Variants in SPON1 observed in about 807,000 individuals in gnomAD.
SPON1 encodes the protein spondin-1.
In SPON1, 52 loss-of-function variants were observed where a neutral mutation model predicts 111.7. That is an observed-to-expected ratio of 0.47 (90% CI 0.37 to 0.59). The LOEUF (loss-of-function observed/expected upper bound fraction) is 0.59. Among genes scored for constraint, SPON1 ranks in the 20% least tolerant of loss-of-function variants. SPON1 has a pLI of 0.00. For missense variants in SPON1, 957 were observed against 1,068.5 expected (o/e 0.90, Z 1.46); for synonymous variants, 410 against 395.8 (o/e 1.04, Z -0.43).
chr11:14,187,617 G>T (rs1430973817), intron 6 of SPON1, among the ~76,000 whole-genome samples: 2 of 152,004 alleles, frequency 1.3e-5, no homozygotes, highest in Non-Finnish European at 2.9e-5. Context: ...TTTTCTTTTT[G>T]TTGTTGTTGT....
At chr11:14,242,520 C>G (rs782193858) in intron 6 of SPON1, among the ~76,000 whole-genome samples, 3 of 152,206 alleles carry the variant, frequency 2.0e-5, no homozygotes, top group Non-Finnish European at 2.9e-5. Context: ...CAGAGCTGAA[C>G]TTGGACCTGT....
intron 1 of SPON1, among the ~76,000 whole-genome samples, chr11:13,968,847 G>C (rs1415594478): frequency 2.6e-5 from 4 of 152,182 alleles, no homozygotes; most frequent in African/African-American, 9.7e-5. Context: ...GTCATACCTA[G>C]CTGCAAGGAA....
At chr11:13,999,146 G>T (rs189109105) in intron 2 of SPON1, among the ~76,000 whole-genome samples, 6 of 152,256 alleles carry the variant, frequency 3.9e-5, no homozygotes, top group African/African-American at 1.4e-4. Context: ...GTATCCTATT[G>T]TAGGATATTT....
rs146436031 is a variant in SPON1, at chr11:14,226,942, C to T, written c.826-16390C>T. On this transcript the variant is annotated intron_variant, in intron 6 of 15. Coordinates refer to ENST00000576479, the MANE Select transcript of SPON1 (RefSeq NM_006108.4). Reference sequence around the variant, plus strand: ...TGCTTCCATTATCACAGTACCTTCCCCTCTCCTTTAGTCAAATCTCCCTGT... The same window carrying T: ...TGCTTCCATTATCACAGTACCTTCCTCTCTCCTTTAGTCAAATCTCCCTGT... 6.8e-4 allele frequency among the ~76,000 whole-genome samples: 103 copies of T among 152,272 alleles called. 1 individual carries two copies. The highest frequency in any genetic ancestry group is 2.4e-3 in the African/African-American group (99 of 41,558).
At chr11:14,046,524 T>G (rs1175091763) in intron 3 of SPON1, among the ~76,000 whole-genome samples, 5 of 152,244 alleles carry the variant, frequency 3.3e-5, no homozygotes, top group African/African-American at 1.2e-4. Context: ...GCTGAGATGC[T>G]ACTTCATTAA....
At chr11:14,094,347 G>C (rs1849082705) in intron 5 of SPON1, among the ~76,000 whole-genome samples, 1 of 151,690 alleles carries the variant, frequency 6.6e-6, no homozygotes, top group Non-Finnish European at 1.5e-5. Flanking sequence ...TTTTTCTTTT[G>C]GCCCTTGATA....
At chr11:14,068,907 A>G (rs1299018335) in intron 3 of SPON1, among the ~76,000 whole-genome samples, 1 of 152,086 alleles carries the variant, frequency 6.6e-6, no homozygotes. Flanking sequence ...ACCTTATTGC[A>G]CCATTTGGTA....
intron 2 of SPON1, among the ~76,000 whole-genome samples, chr11:14,020,755 G>A (rs1848475824): frequency 6.6e-6 from 1 of 152,158 alleles, no homozygotes; most frequent in Admixed American, 6.5e-5. Flanking sequence ...CAGTAGAAAA[G>A]AACTGAAGTT....
At chr11:14,011,524 CT>C (rs1188178268) in intron 2 of SPON1, among the ~76,000 whole-genome samples, 3 of 152,080 alleles carry the variant, frequency 2.0e-5, no homozygotes, top group Admixed American at 6.6e-5. Context: ...TGGATTCCTA[CT>C]GCAGCCTCCC....
intron 6 of SPON1, among the ~76,000 whole-genome samples, chr11:14,148,835 C>G (rs782018378): frequency 6.6e-6 from 1 of 152,138 alleles, no homozygotes; most frequent in Non-Finnish European, 1.5e-5. Context: ...TAGAGCTGGA[C>G]TTTTCAATGA....
intron 2 of SPON1, among the ~76,000 whole-genome samples, chr11:13,983,613 G>A (rs953248648): frequency 6.6e-6 from 1 of 152,182 alleles, no homozygotes; most frequent in Non-Finnish European, 1.5e-5. Flanking sequence ...ATATTTCACT[G>A]TGGAATATTC....
intron 3 of SPON1, among the ~76,000 whole-genome samples, chr11:14,069,888 A>G (rs1219600805): frequency 6.6e-6 from 1 of 152,020 alleles, no homozygotes; most frequent in Non-Finnish European, 1.5e-5. Context: ...AGTCCTGCAG[A>G]TAAGTTTTCA....
chr11:13,986,343 TAACAACAACC>T (rs1349298495), intron 2 of SPON1, among the ~76,000 whole-genome samples: 2 of 152,208 alleles, frequency 1.3e-5, no homozygotes, highest in Non-Finnish European at 2.9e-5. Flanking sequence ...TTTGAGGGCT[TAACAACAACC>T]ACAAAATTCT....
chr11:14,062,690 A>C (rs1304911385), intron 3 of SPON1, among the ~76,000 whole-genome samples: 1 of 152,226 alleles, frequency 6.6e-6, no homozygotes, highest in Non-Finnish European at 1.5e-5. Context: ...ATTGTTGCCA[A>C]ATATCCTCCG....
At chr11:14,263,846 T>C (rs1164952072) in intron 15 of SPON1, among the ~76,000 whole-genome samples, 1 of 151,876 alleles carries the variant, frequency 6.6e-6, no homozygotes, top group Non-Finnish European at 1.5e-5. Context: ...CTGGCCAATA[T>C]GGTGAAACCC....
chr11:13,997,488 G>T (rs770666584), intron 2 of SPON1, among the ~76,000 whole-genome samples: 1 of 152,180 alleles, frequency 6.6e-6, no homozygotes, highest in Non-Finnish European at 1.5e-5. Context: ...CACAGTGCCT[G>T]GACATAAGGG....
In SPON1 at chr11:13,982,960, C is replaced by A; in HGVS notation, c.345+7C>A. On this transcript the variant is annotated splice_region_variant and intron_variant, in intron 2 of 15. Coordinates refer to ENST00000576479, the MANE Select transcript of SPON1 (RefSeq NM_006108.4). Reference sequence around the variant, plus strand: ...CCATGCTGGGACCTTCCAGGTAAGACCCTGCCTGGGCTTATTCAGTGGCCC... The same window carrying A: ...CCATGCTGGGACCTTCCAGGTAAGAACCTGCCTGGGCTTATTCAGTGGCCC... 1.3e-6 allele frequency: 2 copies of A among 1,530,284 alleles called. No homozygotes were observed. Among genetic ancestry groups the A allele is most frequent in the Non-Finnish European group, 8.9e-7 (1 of 1,126,986 alleles). The allele number at this position is 1,530,284 out of a possible 1,614,324, so 94.8% of individuals were successfully genotyped here. A position where few individuals can be genotyped will look rare whatever the true frequency, so the allele number is the denominator to read the frequency against.
At chr11:14,030,491 G>A (rs1284814253) in intron 2 of SPON1, among the ~76,000 whole-genome samples, 5 of 152,140 alleles carry the variant, frequency 3.3e-5, no homozygotes, top group African/African-American at 7.2e-5. Flanking sequence ...ACAATCCCAC[G>A]TGCTTCTCAA....
At chr11:14,114,599 C>G (rs1849252906) in intron 5 of SPON1, among the ~76,000 whole-genome samples, 1 of 152,164 alleles carries the variant, frequency 6.6e-6, no homozygotes, top group South Asian at 2.1e-4. Flanking sequence ...GTGATTGCCA[C>G]CCTCCATCCA....
Sources: allele counts gnomAD v4.1 joint callset (sites outside exome capture counted in the v4.1 genomes callset), GRCh38; gene constraint gnomAD v4.1.1; transcripts MANE v1.5; gene names NCBI Gene and HGNC (gene_info 2026-07-23, HGNC 2026-07-21).